Variants in KIAA0232 observed in about 807,000 individuals in gnomAD.
The protein encoded by KIAA0232 is uncharacterized protein KIAA0232.
A neutral mutation model predicts 122.0 loss-of-function variants in KIAA0232; 27 were observed. That is an observed-to-expected ratio of 0.22 (90% CI 0.16 to 0.31). The LOEUF (loss-of-function observed/expected upper bound fraction) is 0.31. Among genes scored for constraint, KIAA0232 ranks in the 10% least tolerant of loss-of-function variants. The pLI is 1.00. For missense variants in KIAA0232, 1,551 were observed against 1,634.2 expected (o/e 0.95, Z 0.88); for synonymous variants, 613 against 587.6 (o/e 1.04, Z -0.63).
intron 3 of KIAA0232, among the ~76,000 whole-genome samples, chr4:6,831,276 G>A (rs890655570): frequency 6.6e-5 from 10 of 151,958 alleles, no homozygotes; most frequent in South Asian, 2.1e-4. Flanking sequence ...GGCTGGTCTC[G>A]AAGTCTTGAC....
intron 2 of KIAA0232, among the ~76,000 whole-genome samples, chr4:6,818,604 T>C (rs1037535552): frequency 7.2e-5 from 11 of 151,898 alleles, no homozygotes; most frequent in Non-Finnish European, 1.5e-4. Context: ...TTCATGTTCA[T>C]GGACTGGAAG....
At chr4:6,807,067 T>TATCTA (rs911032927) in intron 2 of KIAA0232, among the ~76,000 whole-genome samples, 1 of 151,744 alleles carries the variant, frequency 6.6e-6, no homozygotes, top group Non-Finnish European at 1.5e-5. Flanking sequence ...TCTATCTATC[T>TATCTA]ATCTATCTAT....
At chr4:6,826,197 G>A (rs1718675609) in intron 3 of KIAA0232, among the ~76,000 whole-genome samples, 1 of 152,182 alleles carries the variant, frequency 6.6e-6, no homozygotes, top group Non-Finnish European at 1.5e-5. Flanking sequence ...GGACACAGCG[G>A]CATTTTTCTT....
chr4:6,804,880 T>C (rs776845400), intron 2 of KIAA0232, among the ~76,000 whole-genome samples: 2 of 152,170 alleles, frequency 1.3e-5, no homozygotes, highest in African/African-American at 2.4e-5. Flanking sequence ...TCTTTCTGAT[T>C]AGAACATCTC....
At chr4:6,872,075 A>G (rs1300830061) in intron 8 of KIAA0232, among the ~76,000 whole-genome samples, 2 of 152,216 alleles carry the variant, frequency 1.3e-5, no homozygotes, top group African/African-American at 2.4e-5. Context: ...CGGGAGAGAC[A>G]GACAGGGCAG....
chr4:6,879,612 T>A (rs984898199), intron 9 of KIAA0232, among the ~76,000 whole-genome samples: 8 of 152,176 alleles, frequency 5.3e-5, no homozygotes, highest in African/African-American at 1.9e-4. Context: ...GTGCTGCTAG[T>A]TACTATGGCA....
At chr4:6,828,313 G>A (rs1018622748) in intron 3 of KIAA0232, among the ~76,000 whole-genome samples, 2 of 152,178 alleles carry the variant, frequency 1.3e-5, no homozygotes, top group African/African-American at 2.4e-5. Flanking sequence ...GGTGGAGGCT[G>A]CAGTGAGCAG....
intron 9 of KIAA0232, 54 bp from the exon 10 acceptor site, chr4:6,880,733 C>A: frequency 8.0e-7 from 1 of 1,249,040 alleles, no homozygotes; most frequent in Non-Finnish European, 1.1e-6. Context: ...AGTATCTCAC[C>A]CTTTTGGGGA....
intron 1 of KIAA0232, among the ~76,000 whole-genome samples, chr4:6,784,983 A>G (rs1460728052): frequency 7.1e-6 from 1 of 140,120 alleles, no homozygotes; most frequent in Non-Finnish European, 1.5e-5. Context: ...TCTGCCGCCC[A>G]GGCTGGAGTC....
intron 2 of KIAA0232, among the ~76,000 whole-genome samples, chr4:6,819,836 G>A (rs1484535570): frequency 6.6e-6 from 1 of 152,106 alleles, no homozygotes; most frequent in Admixed American, 6.6e-5. Flanking sequence ...GCAAAGATAC[G>A]GAATCAACCT....
Position 6,882,356 on chromosome 4 carries a change from A to G in KIAA0232, c.*1390A>G, listed in dbSNP as rs1446512398. The G allele has an allele frequency of 1.3e-5, 2 of 152,082 alleles. No individual in the cohort carries two copies. Among genetic ancestry groups the G allele is most frequent in the Non-Finnish European group, 2.9e-5 (2 of 68,012 alleles). 9.4% of individuals were successfully genotyped at this position (152,082 alleles called of 1,614,324 possible). A position where few individuals can be genotyped will look rare whatever the true frequency, so the allele number is the denominator to read the frequency against. On this transcript the variant is annotated 3_prime_UTR_variant, in exon 10 of 10. Transcript: ENST00000307659. Reference sequence around the variant, plus strand: ...CTGATGCGCTCTAGACAGCTTCACCACTCATTTGGGCAGGCAGTAAACACA... The same window carrying G: ...CTGATGCGCTCTAGACAGCTTCACCGCTCATTTGGGCAGGCAGTAAACACA...
At position 6,855,417 on chromosome 4, in the gene KIAA0232, C is replaced by T. The variant is rs1446850547; in HGVS notation, c.370-1747C>T. Among the ~76,000 whole-genome samples, 1 of 151,990 alleles carries T rather than the reference C, an allele frequency of 6.6e-6. No homozygotes were observed. On this transcript the variant is annotated intron_variant, in intron 4 of 9. Transcript: ENST00000307659. The surrounding 1 kb of genome is among the most constrained non-coding windows in gnomAD (Gnocchi z 4.3). ...TTTTAAAAAAATATATAAGATGCTA[C>T]AGGTAGTCAAGAAAAGAACAGAAAA...
chr4:6,871,248 C>G (rs1198099289), intron 7 of KIAA0232, among the ~76,000 whole-genome samples: 1 of 152,128 alleles, frequency 6.6e-6, no homozygotes, highest in Non-Finnish European at 1.5e-5. Flanking sequence ...GCCTGGCCAA[C>G]ATGGCGAAAC....
At chr4:6,803,484 G>A (rs1034305947) in intron 1 of KIAA0232, among the ~76,000 whole-genome samples, 5 of 152,126 alleles carry the variant, frequency 3.3e-5, no homozygotes, top group African/African-American at 1.2e-4. Context: ...GATTCCAGTA[G>A]TTACGTAGTT....
At chr4:6,792,695 GTT>G (rs370810631) in intron 1 of KIAA0232, among the ~76,000 whole-genome samples, 1,805 of 125,302 alleles carry the variant, frequency 0.014, 23 homozygotes, top group African/African-American at 0.036. Flanking sequence ...TTTTTTTTTT[GTT>G]TTTTTTTTTT....
chr4:6,818,579 C>G (rs1346632551), intron 2 of KIAA0232, among the ~76,000 whole-genome samples: 1 of 151,766 alleles, frequency 6.6e-6, no homozygotes, highest in African/African-American at 2.4e-5. Context: ...ATAACACAAA[C>G]TAATGGAAAA....
At position 6,881,150 on chromosome 4, in the gene KIAA0232, T is replaced by G. The variant is rs1286949229; in HGVS notation, c.*184T>G. On this transcript the variant is annotated 3_prime_UTR_variant, in exon 10 of 10. Coordinates refer to ENST00000307659, the MANE Select transcript of KIAA0232 (RefSeq NM_014743.3). The stretch of plus-strand genomic sequence containing the variant: ...TTGAGGACAGCTATCCTGTTAAAGA[T>G]TTTTTTTCCCAGCTGTTAAATTCTT... The G allele has an allele frequency of 2.3e-6, 1 of 441,334 alleles. No homozygotes were observed. 27.3% of individuals were successfully genotyped at this position (441,334 alleles called of 1,614,324 possible). A position where few individuals can be genotyped will look rare whatever the true frequency, so the allele number is the denominator to read the frequency against.
chr4:6,873,365 G>A (rs1721594739), intron 8 of KIAA0232, among the ~76,000 whole-genome samples: 1 of 152,230 alleles, frequency 6.6e-6, no homozygotes. Flanking sequence ...GACACACAGA[G>A]CTTCCCTTCA....
chr4:6,861,218 C>T lies in KIAA0232; in HGVS notation c.836C>T (p.Pro279Leu). 1 of 1,614,088 alleles carries T rather than the reference C, an allele frequency of 6.2e-7. No homozygotes were observed. Among genetic ancestry groups the T allele is most frequent in the South Asian group, 1.1e-5 (1 of 91,078 alleles). ...TACAAAAAGCAAATCCGACATAAAC[C>T]TGAAGGAAAGATTCGCCCTCGCTCG... ...ALYKKQIRHK[P>L]EGKIRPRSWS... The change falls in exon 7 of 10, where the codon CCT becomes CTT. Residue 279 changes from proline (P) to leucine (L), a missense_variant. Pro to Leu is a moderately conservative substitution (Grantham distance 98). This residue lies in a region of KIAA0232 where 377 missense variants were observed against 381.7 expected (regional missense o/e 0.99). Transcript: ENST00000307659.
Sources: allele counts gnomAD v4.1 joint callset (sites outside exome capture counted in the v4.1 genomes callset), GRCh38; gene constraint gnomAD v4.1.1; regional missense constraint gnomAD v4.1.1; non-coding constraint Gnocchi (gnomAD v3.1); transcripts MANE v1.5; gene names NCBI Gene and HGNC (gene_info 2026-07-23, HGNC 2026-07-21).